LRRK2: variants seen among roughly 807,000 people sequenced by gnomAD.
LRRK2 encodes the protein leucine rich repeat kinase 2, also known as leucine-rich repeat serine/threonine-protein kinase 2.
A neutral mutation model predicts 302.6 loss-of-function variants in LRRK2; 203 were observed. That is an observed-to-expected ratio of 0.67 (90% CI 0.60 to 0.75). The LOEUF (loss-of-function observed/expected upper bound fraction) is 0.75, where lower values mean the gene tolerates loss of function less well. LRRK2 is among the 30% of genes least tolerant of loss of function. The pLI, the probability that LRRK2 is intolerant of heterozygous loss-of-function variation, is 0.00. For missense variants in LRRK2, 2,830 were observed against 2,951.0 expected, an observed-to-expected ratio of 0.96 and a Z score of 0.95; for synonymous variants, 1,066 against 1,031.9, an observed-to-expected ratio of 1.03 and a Z score of -0.63.
Position 40,294,905 on chromosome 12 carries a change from G to T in LRRK2, c.2869G>T (p.Asp957Tyr), listed in dbSNP as rs764442450. ...KRKRKILSSD[D>Y]SLRSSKLQSH... ...AAAAAGAAAAATATTATCTTCAGAT[G>T]ATTCACTCAGTAAGTATTTGGATGT... Residue 957 changes from aspartate (D) to tyrosine (Y), a missense_variant, in exon 22 of 51, where the codon GAT becomes TAT. This residue lies in a region of LRRK2 where 2,121 missense variants were observed against 2,148.0 expected (regional missense o/e 0.99). Coordinates refer to ENST00000298910, the MANE Select transcript of LRRK2 (RefSeq NM_198578.4). The T allele has an allele frequency of 5.9e-6, 9 of 1,529,926 alleles. No homozygotes were observed. In the Admixed American group the frequency reaches 1.5e-4, roughly 26 times the overall value. 94.8% of individuals were successfully genotyped at this position (1,529,926 alleles called of 1,614,324 possible). A position where few individuals can be genotyped will look rare whatever the true frequency, so the allele number is the denominator to read the frequency against.
chr12:40,314,047 C>G lies in LRRK2; in HGVS notation c.4612C>G (p.Arg1538Gly). ...ACTTGAAAAAATCATTTTATCGGAGCGTAAAAATGTGCCAATTGAATTTCC... is the reference window on the plus strand; with the variant it reads ...ACTTGAAAAAATCATTTTATCGGAGGGTAAAAATGTGCCAATTGAATTTCC... Reference protein sequence around the residue: ...VELEKIILSERKNVPIEFPVI... With the variant: ...VELEKIILSEGKNVPIEFPVI... The change falls in exon 32 of 51, where the codon CGT (arginine) becomes GGT (glycine). Residue 1538 changes from arginine to glycine, a missense_variant. Around this residue, in one of 3 missense-constraint regions of LRRK2, gnomAD observed 2,121 missense variants for 2,148.0 expected, o/e 0.99. Coordinates refer to ENST00000298910, the MANE Select transcript of LRRK2 (RefSeq NM_198578.4). 6.2e-7 allele frequency: 1 copy of G among 1,612,330 alleles called. No homozygotes were observed. The highest frequency in any genetic ancestry group is 1.7e-5 in the Admixed American group (1 of 59,870).
At chr12:40,364,193 A>G (rs1946803338) in intron 48 of LRRK2, among the ~76,000 whole-genome samples, 3 of 152,154 alleles carry the variant, frequency 2.0e-5, no homozygotes, top group Non-Finnish European at 2.9e-5. Context: ...ATTTTAGATT[A>G]CACACTATAT....
intron 42 of LRRK2, among the ~76,000 whole-genome samples, chr12:40,347,815 T>C (rs12311273): frequency 0.3 from 46,214 of 151,822 alleles, 7,239 homozygotes; most frequent in South Asian, 0.37. Context: ...ATACAAAAAG[T>C]AGCTGGGCAT....
In LRRK2 at chr12:40,283,916, A is replaced by G. The variant is rs573284324; in HGVS notation, c.2283A>G (p.Leu761=). Residue 761 remains leucine (L), a synonymous_variant, in exon 19 of 51, where the codon TTA becomes TTG. Coordinates refer to ENST00000298910, the MANE Select transcript of LRRK2 (RefSeq NM_198578.4). ...KESSPKLVEL[L]LNSGSREQDV... is the part of the protein sequence containing the mutation. ...GCAGTCCCAAATTGGTGGAACTCTT[A>G]CTGAATAGTGGATCTCGTGAACAAG... is the stretch of plus-strand genomic sequence containing the variant. 105 of 1,613,626 alleles carry G rather than the reference A, an allele frequency of 6.5e-5. 3 individuals carry two copies. In the South Asian group the frequency reaches 1.1e-3, roughly 17 times the overall value.
intron 11 of LRRK2, among the ~76,000 whole-genome samples, chr12:40,253,515 A>G (rs980746682): frequency 6.6e-5 from 10 of 152,144 alleles, no homozygotes; most frequent in African/African-American, 2.4e-4. Context: ...CTTCCTGAGT[A>G]TCTGGGACTA....
At chr12:40,315,149 C>G in intron 32 of LRRK2, 63 bp from the exon 33 acceptor site, 2 of 1,372,812 alleles carry the variant, frequency 1.5e-6, no homozygotes, top group Non-Finnish European at 2.1e-6. Context: ...TAGATTTTTT[C>G]TAAAGCCCCT....
Position 40,259,708 on chromosome 12 carries a change from G to A in LRRK2, c.1543+104G>A, listed in dbSNP as rs28903073. On this transcript the variant is annotated intron_variant, in intron 13 of 50. Coordinates refer to ENST00000298910, the MANE Select transcript of LRRK2 (RefSeq NM_198578.4). ...GGCAAATATTAAAAGACTAGTTTCT[G>A]TCGACTAAATGTAAATCTTTCTGTT... 4,414 of 1,417,634 alleles carry A rather than the reference G, an allele frequency of 3.1e-3. 17 individuals are homozygous for A. The highest frequency in any genetic ancestry group is 6.9e-3 in the Middle Eastern group (37 of 5,326). 87.8% of individuals were successfully genotyped at this position (1,417,634 alleles called of 1,614,324 possible). A position where few individuals can be genotyped will look rare whatever the true frequency, so the allele number is the denominator to read the frequency against.
chr12:40,338,836 T>C (rs531502931), intron 40 of LRRK2, among the ~76,000 whole-genome samples: 114 of 152,358 alleles, frequency 7.5e-4, no homozygotes, highest in Non-Finnish European at 1.5e-3. Flanking sequence ...AGCTTTTTTA[T>C]TCTTAATCTC....
intron 26 of LRRK2, among the ~76,000 whole-genome samples, chr12:40,303,672 C>T (rs1250536687): frequency 6.6e-6 from 1 of 152,024 alleles, no homozygotes; most frequent in Non-Finnish European, 1.5e-5. Context: ...AACTACTCTA[C>T]AGCGGTTCAT....
rs368857426 is a variant in LRRK2, at chr12:40,287,430, C to T, written c.2580C>T (p.Ser860=). The T allele has an allele frequency of 8.1e-6, 13 of 1,612,498 alleles. No homozygotes were observed. The highest frequency in any genetic ancestry group is 2.7e-5 in the African/African-American group (2 of 74,782). ...SAVEEGTASG[S]DGNFSEDVLS... is the part of the protein sequence containing the mutation. The stretch of plus-strand genomic sequence containing the variant: ...TGGAAGAAGGAACAGCCTCAGGCAG[C>T]GATGGAAATTTTTCTGAAGATGTGC... The change falls in exon 20 of 51, where the codon AGC becomes AGT. Residue 860 remains serine, a synonymous_variant. Transcript: ENST00000298910.
intron 50 of LRRK2, 70 bp downstream of exon 50, chr12:40,367,147 T>C: frequency 1.6e-6 from 2 of 1,239,182 alleles, no homozygotes; most frequent in Middle Eastern, 1.9e-4. Context: ...ATTATGTGTT[T>C]CATAAATTTG....
intron 28 of LRRK2, among the ~76,000 whole-genome samples, chr12:40,307,047 AT>A (rs1298618024): frequency 1.3e-5 from 2 of 150,862 alleles, no homozygotes; most frequent in Non-Finnish European, 3.0e-5. Context: ...AATATTTTTA[AT>A]ATTTAATATT....
chr12:40,271,799 A>G (rs1943241553), intron 14 of LRRK2, among the ~76,000 whole-genome samples: 2 of 152,150 alleles, frequency 1.3e-5, no homozygotes, highest in South Asian at 2.1e-4. Flanking sequence ...ATCACATGTT[A>G]TCATGTGATA....
At chr12:40,331,448 A>G (rs1421514428) in intron 39 of LRRK2, among the ~76,000 whole-genome samples, 1 of 151,718 alleles carries the variant, frequency 6.6e-6, no homozygotes, top group Non-Finnish European at 1.5e-5. Flanking sequence ...GTGCTGCATT[A>G]TTTTTTTTGC....
intron 7 of LRRK2, among the ~76,000 whole-genome samples, chr12:40,249,356 C>A (rs1942153403): frequency 6.8e-6 from 1 of 146,456 alleles, no homozygotes; most frequent in African/African-American, 2.5e-5. Context: ...TAGACAAGAT[C>A]AAATAATGGT....
intron 5 of LRRK2, among the ~76,000 whole-genome samples, chr12:40,238,533 A>T (rs747394402): frequency 6.6e-6 from 1 of 152,202 alleles, no homozygotes; most frequent in Non-Finnish European, 1.5e-5. Context: ...TATGCATTTC[A>T]TAGCCTGGCC....
At position 40,249,854 on chromosome 12, in the gene LRRK2, C is replaced by A. The variant is rs17490713; in HGVS notation, c.867C>A (p.Asn289Lys). Residue 289 changes from asparagine to lysine, a missense_variant, in exon 8 of 51, where the codon AAC (asparagine) becomes AAA (lysine). This residue lies in a region of LRRK2 where 2,121 missense variants were observed against 2,148.0 expected (regional missense o/e 0.99). Coordinates refer to ENST00000298910, the MANE Select transcript of LRRK2 (RefSeq NM_198578.4). Reference protein sequence around the residue: ...LGNFFNILVLNEVHEFVVKAV... With the variant: ...LGNFFNILVLKEVHEFVVKAV... ...ATTTTTTCAATATCCTGGTATTAAACGAAGTCCATGAGTTTGTGGTGAAAG... is the reference window on the plus strand; with the variant it reads ...ATTTTTTCAATATCCTGGTATTAAAAGAAGTCCATGAGTTTGTGGTGAAAG... 4 of 1,613,540 alleles carry A rather than the reference C, an allele frequency of 2.5e-6. No homozygotes were observed. The African/African-American group carries it at 5.3e-5, about 22-fold the overall frequency.
At position 40,347,033 on chromosome 12, in the gene LRRK2, T is replaced by G. The variant is rs74467833; in HGVS notation, c.6280+110T>G. On this transcript the variant is annotated intron_variant, in intron 42 of 50. Coordinates refer to ENST00000298910, the MANE Select transcript of LRRK2 (RefSeq NM_198578.4). ...TTCCTTAAACAGATGATCATTTTTT[T>G]TGTTTAGTGCATAAATATTCTTAAA... 0.31 allele frequency: 276,448 copies of G among 889,632 alleles called. 44,615 individuals carry two copies. Among genetic ancestry groups the G allele is most frequent in the Non-Finnish European group, 0.35 (207,481 of 596,958 alleles). The allele number at this position is 889,632 out of a possible 1,614,324, so 55.1% of individuals were successfully genotyped here.
intron 30 of LRRK2, 129 bp downstream of exon 30, chr12:40,309,362 A>C: frequency 8.1e-7 from 1 of 1,227,438 alleles, no homozygotes; most frequent in Non-Finnish European, 1.1e-6. Flanking sequence ...TTCTTAAAAG[A>C]AGCACTAAAA....
Sources: gnomAD v4.1 joint callset for allele counts (sites outside exome capture counted in the v4.1 genomes callset) on GRCh38, gnomAD v4.1.1 for gene constraint, gnomAD v4.1.1 regional missense constraint, MANE v1.5 for transcripts, NCBI Gene and HGNC (gene_info 2026-07-23, HGNC 2026-07-21) for gene names.